The following SUPT3H variants were observed in gnomAD, a reference collection of about 807,000 sequenced individuals.
The protein encoded by SUPT3H is transcription initiation protein SPT3 homolog.
A neutral mutation model predicts 44.3 loss-of-function variants in SUPT3H; 44 were observed. The ratio of observed to expected loss-of-function variants is 0.99; its 90% confidence interval spans 0.78 to 1.28. The LOEUF is 1.28. SUPT3H is among the 50% of genes most tolerant of loss of function. The probability of loss-of-function intolerance (pLI) is 0.00; values close to 1 mark genes in which losing one functional copy is unlikely to be tolerated. For missense variants in SUPT3H, 380 were observed against 387.1 expected, an observed-to-expected ratio of 0.98 and a Z score of 0.15; for synonymous variants, 124 against 125.6, an observed-to-expected ratio of 0.99 and a Z score of 0.09.
At chr6:44,900,391 G>C (rs1329948863) in intron 10 of SUPT3H, among the ~76,000 whole-genome samples, 1 of 152,204 alleles carries the variant, frequency 6.6e-6, no homozygotes, top group Non-Finnish European at 1.5e-5. Flanking sequence ...CGCCTGGCTC[G>C]GAGGGTCCTA....
At chr6:45,306,525 T>C (rs1323892908) in intron 2 of SUPT3H, among the ~76,000 whole-genome samples, 1 of 152,096 alleles carries the variant, frequency 6.6e-6, no homozygotes, top group Non-Finnish European at 1.5e-5. Flanking sequence ...TGAAGGTCTT[T>C]CCATAGCAAA....
At chr6:45,098,663 A>G in intron 3 of SUPT3H, 1 of 336,802 alleles carries the variant, frequency 3.0e-6, no homozygotes, top group Non-Finnish European at 5.8e-6. Context: ...GTGGGCTTCA[A>G]TCATGCCCCA....
At chr6:44,901,251 T>C (rs1236014047) in intron 10 of SUPT3H, among the ~76,000 whole-genome samples, 1 of 151,946 alleles carries the variant, frequency 6.6e-6, no homozygotes, top group Non-Finnish European at 1.5e-5. Flanking sequence ...TTCGAACCCA[T>C]GGCAAAGAAA....
chr6:44,881,949 C>T (rs1242288175), intron 10 of SUPT3H, among the ~76,000 whole-genome samples: 3 of 151,942 alleles, frequency 2.0e-5, no homozygotes, highest in African/African-American at 7.3e-5. Flanking sequence ...GATCCAAAAT[C>T]GACACCCTAA....
At chr6:45,017,370 T>C (rs922003969) in intron 4 of SUPT3H, among the ~76,000 whole-genome samples, 3 of 151,104 alleles carry the variant, frequency 2.0e-5, no homozygotes, top group Non-Finnish European at 4.4e-5. Context: ...TTTCTCAATT[T>C]TGGCTTTTGT....
intron 3 of SUPT3H, among the ~76,000 whole-genome samples, chr6:45,023,120 C>A (rs1425671658): frequency 6.6e-6 from 1 of 151,844 alleles, no homozygotes; most frequent in Non-Finnish European, 1.5e-5. Flanking sequence ...GAAGAACAGA[C>A]ACTTTTCCAA....
At chr6:44,821,186 A>G (rs1767287013) in intron 11 of SUPT3H, among the ~76,000 whole-genome samples, 1 of 152,138 alleles carries the variant, frequency 6.6e-6, no homozygotes, top group South Asian at 2.1e-4. Context: ...GTATGGCTTG[A>G]AGAAGGTAAG....
In SUPT3H at chr6:45,129,156, C is replaced by T. The variant is rs572936133; in HGVS notation, c.102-23150G>A. Among the ~76,000 whole-genome samples the T allele has an allele frequency of 1.2e-4, 18 of 152,292 alleles. No homozygotes were observed. In the South Asian group the frequency reaches 3.7e-3, roughly 32 times the overall value. ...GTATCAAGTTTTATAGAGCAGAAAA[C>T]CATTAATAGGGCTCATCTGAATTGC... On this transcript the variant is annotated intron_variant, in intron 2 of 10. Coordinates refer to ENST00000371459, the MANE Select transcript of SUPT3H (RefSeq NM_003599.4).
intron 3 of SUPT3H, among the ~76,000 whole-genome samples, chr6:45,032,984 AG>A (rs1562304620): frequency 6.6e-6 from 1 of 152,204 alleles, no homozygotes; most frequent in Non-Finnish European, 1.5e-5. Flanking sequence ...GAAGTAGAGT[AG>A]GAAGACTGAG....
At chr6:45,023,271 A>AC (rs1562283544) in intron 3 of SUPT3H, among the ~76,000 whole-genome samples, 2 of 152,046 alleles carry the variant, frequency 1.3e-5, no homozygotes, top group African/African-American at 2.4e-5. Context: ...TCAAAAAAAA[A>AC]AAACAAACCA....
chr6:45,225,834 G>A (rs955629008), intron 2 of SUPT3H, among the ~76,000 whole-genome samples: 1 of 152,056 alleles, frequency 6.6e-6, no homozygotes, highest in Non-Finnish European at 1.5e-5. Flanking sequence ...AAGACCTGAA[G>A]AAATAACAGC....
chr6:45,272,843 G>A (rs1260712153), intron 2 of SUPT3H, among the ~76,000 whole-genome samples: 1 of 152,018 alleles, frequency 6.6e-6, no homozygotes, highest in East Asian at 1.9e-4. Flanking sequence ...CAAGCAAAAC[G>A]CCTCAAGCAT....
chr6:44,869,882 A>G (rs897664046), intron 10 of SUPT3H, among the ~76,000 whole-genome samples: 1 of 152,252 alleles, frequency 6.6e-6, no homozygotes, highest in South Asian at 2.1e-4. Context: ...TCTGTATTAG[A>G]TAAGAAAGAA....
chr6:45,087,965 A>C (rs962833573), intron 3 of SUPT3H, among the ~76,000 whole-genome samples: 2 of 152,100 alleles, frequency 1.3e-5, no homozygotes, highest in African/African-American at 4.8e-5. Flanking sequence ...GCTGGATAAA[A>C]ATAAGTGCTT....
chr6:45,068,977 C>CA (rs367995110), intron 3 of SUPT3H, among the ~76,000 whole-genome samples: 4,464 of 110,976 alleles, frequency 0.04, 88 homozygotes, highest in Non-Finnish European at 0.058. Flanking sequence ...TTTTACTTTG[C>CA]AAAAAAAAAA....
chr6:45,375,138 G>A (rs1796604095), intron 1 of SUPT3H, among the ~76,000 whole-genome samples: 1 of 152,136 alleles, frequency 6.6e-6, no homozygotes, highest in Non-Finnish European at 1.5e-5. Context: ...ACCCAGGAGG[G>A]GGAGGTTGCA....
At chr6:45,304,813 C>A (rs748729775) in intron 2 of SUPT3H, among the ~76,000 whole-genome samples, 6 of 152,076 alleles carry the variant, frequency 3.9e-5, no homozygotes, top group Non-Finnish European at 5.9e-5. Flanking sequence ...TACCTAGATT[C>A]TTTTTAAGCA....
intron 2 of SUPT3H, among the ~76,000 whole-genome samples, chr6:45,122,689 A>T (rs191589699): frequency 6.6e-6 from 1 of 151,900 alleles, no homozygotes; most frequent in African/African-American, 2.4e-5. Context: ...GTTTCTAATT[A>T]AAAAAAAATT....
At chr6:44,885,856 T>C (rs1762180548) in intron 10 of SUPT3H, among the ~76,000 whole-genome samples, 1 of 152,034 alleles carries the variant, frequency 6.6e-6, no homozygotes, top group Non-Finnish European at 1.5e-5. Flanking sequence ...GCAAAGAAGG[T>C]GAAAACTTTG....
Sources: allele counts gnomAD v4.1 joint callset (sites outside exome capture counted in the v4.1 genomes callset), GRCh38; gene constraint gnomAD v4.1.1; transcripts MANE v1.5; gene names NCBI Gene and HGNC (gene_info 2026-07-23, HGNC 2026-07-21).